Variants in EVC2 observed in about 807,000 individuals in gnomAD.
EVC2 encodes EvC ciliary complex subunit 2.
A neutral mutation model predicts 149.3 loss-of-function variants in EVC2; 148 were observed. The observed-to-expected ratio is 0.99, with a 90% CI of 0.87 to 1.14. The LOEUF is 1.14. Among genes scored for constraint, EVC2 ranks in the 50% most tolerant of loss-of-function variants. The pLI is 0.00. For missense variants in EVC2, 1,854 were observed against 1,627.3 expected (o/e 1.14, Z -2.40); for synonymous variants, 776 against 649.9 (o/e 1.19, Z -2.95).
At chr4:5,703,406 C>A (rs11935446) in intron 1 of EVC2, among the ~76,000 whole-genome samples, 1 of 152,132 alleles carries the variant, frequency 6.6e-6, no homozygotes, top group Admixed American at 6.5e-5. Flanking sequence ...GAGACTCAGG[C>A]ACGTTGAGTG....
chr4:5,638,607 A>AC (rs145840747), intron 10 of EVC2, among the ~76,000 whole-genome samples: 398 of 151,958 alleles, frequency 2.6e-3, no homozygotes, highest in Admixed American at 4.7e-3. Flanking sequence ...TGACACTCCC[A>AC]CCCCCCAAAA....
intron 16 of EVC2, among the ~76,000 whole-genome samples, chr4:5,604,951 C>A (rs564326411): frequency 6.6e-6 from 1 of 151,814 alleles, no homozygotes; most frequent in Non-Finnish European, 1.5e-5. Context: ...CTTCCTCTTA[C>A]TCCTCCTCCT....
intron 20 of EVC2, among the ~76,000 whole-genome samples, chr4:5,565,629 C>T (rs1238135737): frequency 2.0e-5 from 3 of 149,852 alleles, no homozygotes; most frequent in African/African-American, 7.4e-5. Context: ...GCTGAGATCA[C>T]GCCATTGTAC....
chr4:5,589,476 T>G (rs1482942430), intron 16 of EVC2, among the ~76,000 whole-genome samples: 1 of 152,156 alleles, frequency 6.6e-6, no homozygotes, highest in East Asian at 1.9e-4. Flanking sequence ...GTTTTCTCTG[T>G]GCAGCTCTTT....
In EVC2 at chr4:5,626,198, G is replaced by A. The variant is rs559126283; in HGVS notation, c.1887-290C>T. 4.5e-4 allele frequency among the ~76,000 whole-genome samples: 68 copies of A among 152,314 alleles called. 1 individual carries two copies. Among genetic ancestry groups the A allele is most frequent in the African/African-American group, 1.6e-3 (67 of 41,570 alleles). ...TCTGGTGCAGACAGAAGTTTCCAAG[G>A]TGAGATGGTAGATTAAAAATCCTGG... On this transcript the variant is annotated intron_variant, in intron 12 of 21. Coordinates refer to ENST00000344408, the MANE Select transcript of EVC2 (RefSeq NM_147127.5).
rs145709352 is a variant in EVC2 at position 5,615,431 on chromosome 4, C to T, written c.2820G>A (p.Leu940=). 6.2e-7 allele frequency: 1 copy of T among 1,614,188 alleles called. No homozygotes were observed. The highest frequency in any genetic ancestry group is 1.7e-5 in the Admixed American group (1 of 60,024). The change falls in exon 16 of 22, where the codon CTG becomes CTA. Residue 940 remains leucine (L), a synonymous_variant. Transcript: ENST00000344408. ...HLCEEQASED[L]VEKVRGELLR... is the part of the protein sequence containing the mutation. ...AAGCAGATGTACTGACCTTTTCCAC[C>T]AGGTCTTCAGAGGCCTGTTCCTCAC...
At chr4:5,659,106 CTT>C (rs920355008) in intron 9 of EVC2, among the ~76,000 whole-genome samples, 24 of 152,160 alleles carry the variant, frequency 1.6e-4, no homozygotes, top group Non-Finnish European at 3.4e-4. Context: ...CGGAAATGCT[CTT>C]TGTCAAAAAT....
At chr4:5,588,461 G>A (rs529614344) in intron 16 of EVC2, among the ~76,000 whole-genome samples, 13 of 152,186 alleles carry the variant, frequency 8.5e-5, no homozygotes, top group South Asian at 4.2e-4. Context: ...AATTTTAGCC[G>A]TTAATTCTTC....
chr4:5,645,221 G>A (rs1484091312), intron 9 of EVC2, among the ~76,000 whole-genome samples: 4 of 150,636 alleles, frequency 2.7e-5, no homozygotes, highest in South Asian at 2.1e-4. Context: ...CCCATCAACC[G>A]TGCATCTAAT....
intron 16 of EVC2, among the ~76,000 whole-genome samples, chr4:5,593,563 T>G (rs923038212): frequency 6.6e-6 from 1 of 152,166 alleles, no homozygotes; most frequent in Non-Finnish European, 1.5e-5. Context: ...AATGTGCATT[T>G]GAAGATTCCC....
At chr4:5,660,070 T>C (rs1237967156) in intron 9 of EVC2, among the ~76,000 whole-genome samples, 1 of 152,230 alleles carries the variant, frequency 6.6e-6, no homozygotes, top group Non-Finnish European at 1.5e-5. Flanking sequence ...TGCTCGTCCA[T>C]TTCTCCCTAC....
intron 16 of EVC2, among the ~76,000 whole-genome samples, chr4:5,612,093 C>G (rs959892761): frequency 6.6e-6 from 1 of 152,062 alleles, no homozygotes; most frequent in Non-Finnish European, 1.5e-5. Context: ...GGAAAGGAAA[C>G]GAAAACAAGC....
chr4:5,680,539 G>A (rs1321822281), intron 7 of EVC2, among the ~76,000 whole-genome samples: 2 of 152,272 alleles, frequency 1.3e-5, no homozygotes, highest in South Asian at 2.1e-4. Flanking sequence ...TGTAAGTCCC[G>A]TGAGTCACCC....
intron 6 of EVC2, among the ~76,000 whole-genome samples, chr4:5,682,500 A>AAAAT (rs1553850106): frequency 2.0e-5 from 3 of 150,226 alleles, no homozygotes; most frequent in African/African-American, 7.4e-5. Flanking sequence ...CAAAAAAAAA[A>AAAAT]AATAATAATA....
At chr4:5,675,300 C>T (rs1719916711) in intron 7 of EVC2, among the ~76,000 whole-genome samples, 1 of 152,178 alleles carries the variant, frequency 6.6e-6, no homozygotes, top group Admixed American at 6.5e-5. Context: ...TTACTTTTTA[C>T]TAATTGCTAT....
chr4:5,596,755 C>A (rs919554766), intron 16 of EVC2, among the ~76,000 whole-genome samples: 2 of 151,992 alleles, frequency 1.3e-5, no homozygotes, highest in Non-Finnish European at 2.9e-5. Flanking sequence ...CACAAAAAAC[C>A]CTTCAAAAAA....
At position 5,622,890 on chromosome 4, in the gene EVC2, C is replaced by G; in HGVS notation, c.2148G>C (p.Glu716Asp). The part of the protein sequence containing the change: ...YLHQKRSLME[E>D]HGATLEELQE... Reference sequence around the variant, plus strand: ...GCAGCTCCTCCAGGGTGGCACCGTGCTCCTCCATCAGGCTCCTCTTCTGGT... The same window carrying G: ...GCAGCTCCTCCAGGGTGGCACCGTGGTCCTCCATCAGGCTCCTCTTCTGGT... Residue 716 changes from glutamate to aspartate, a missense_variant, in exon 14 of 22, where the codon GAG becomes GAC. Physicochemically the swap from Glu to Asp is conservative, Grantham distance 45. Coordinates refer to ENST00000344408, the MANE Select transcript of EVC2 (RefSeq NM_147127.5). The surrounding 1 kb of genome is among the most constrained non-coding windows in gnomAD (Gnocchi z 5.8). The G allele has an allele frequency of 1.2e-6, 2 of 1,614,196 alleles. No homozygotes were observed. Among genetic ancestry groups the G allele is most frequent in the Non-Finnish European group, 1.7e-6 (2 of 1,180,042 alleles).
At chr4:5,608,674 C>A (rs1714585920) in intron 16 of EVC2, among the ~76,000 whole-genome samples, 1 of 152,072 alleles carries the variant, frequency 6.6e-6, no homozygotes, top group African/African-American at 2.4e-5. Flanking sequence ...GCTGGGATTA[C>A]AAGTGTGCAC....
chr4:5,540,910 C>T (rs1721500470), downstream of EVC2, among the ~76,000 whole-genome samples: 1 of 152,214 alleles, frequency 6.6e-6, no homozygotes, highest in South Asian at 2.1e-4. Context: ...ACACCATCTA[C>T]TGCTGGCAAG....
Sources: allele counts gnomAD v4.1 joint callset (sites outside exome capture counted in the v4.1 genomes callset), GRCh38; gene constraint gnomAD v4.1.1; non-coding constraint Gnocchi (gnomAD v3.1); transcripts MANE v1.5; gene names NCBI Gene and HGNC (gene_info 2026-07-23, HGNC 2026-07-21).